The following CDKL5 variants were observed in gnomAD, a reference collection of about 807,000 sequenced individuals.
The protein encoded by CDKL5 is cyclin-dependent kinase-like 5.
A neutral mutation model predicts 61.7 loss-of-function variants in CDKL5; 8 were observed. The ratio of observed to expected loss-of-function variants is 0.13; its 90% CI spans 0.08 to 0.23. The LOEUF is 0.23. CDKL5 is among the 10% of genes least tolerant of loss of function. CDKL5 has a pLI of 1.00. For synonymous variants in CDKL5, 275 were observed against 272.3 expected (o/e 1.01, Z -0.10); for missense variants, 440 against 734.5 (o/e 0.60, Z 4.63).
intron 3 of CDKL5, among the ~76,000 whole-genome samples, chrX:18,530,254 A>G (rs1342415234): frequency 9.5e-6 from 1 of 104,794 alleles, no homozygotes; most frequent in African/African-American, 3.5e-5. Context: ...AATTGCTTGA[A>G]CCTGGGAGGC....
At chrX:18,624,999 A>G in intron 16 of CDKL5, 129 bp from the exon 17 acceptor site, 3 of 609,099 alleles carry the variant, frequency 4.9e-6, no homozygotes, top group South Asian at 2.3e-5. Context: ...TTGGGGTTCT[A>G]TTTTTACTGG....
intron 1 of CDKL5, among the ~76,000 whole-genome samples, chrX:18,433,199 G>T (rs1452611652): frequency 4.7e-5 from 5 of 106,504 alleles, no homozygotes; most frequent in African/African-American, 1.4e-4. Context: ...CTGCACTCCA[G>T]CCTGGGCAAC....
Position 18,603,984 on chromosome X carries a change from C to T in CDKL5, c.1060C>T (p.Pro354Ser), listed in dbSNP as rs1064794591. 5.0e-6 allele frequency: 6 copies of T among 1,208,669 alleles called. No individual in the cohort carries two copies. In the African/African-American group the frequency reaches 1.1e-4, roughly 21 times the overall value. The change falls in exon 12 of 18, where the codon CCC becomes TCC. Residue 354 changes from proline (P) to serine (S), a missense_variant. This residue lies in a region of CDKL5 where 363 missense variants were observed against 516.3 expected (regional missense o/e 0.70). Transcript: ENST00000623535. ...CATCCAGAACCTGAGTGTAGGCCTG[C>T]CCCGGGCTGACGAAGGTCTCCCTGC... ...KDIQNLSVGLPRADEGLPANE... is the reference protein window; with the variant it reads ...KDIQNLSVGLSRADEGLPANE...
Position 18,604,826 on chromosome X carries a change from G to C in CDKL5, c.1902G>C (p.Gly634=). 1 of 1,211,637 alleles carries C rather than the reference G, an allele frequency of 8.3e-7. No homozygotes were observed. Among genetic ancestry groups the C allele is most frequent in the East Asian group, 3.0e-5 (1 of 33,840 alleles). Residue 634 remains glycine (G), a synonymous_variant, in exon 12 of 18, where the codon GGG becomes GGC. Coordinates refer to ENST00000623535, the MANE Select transcript of CDKL5 (RefSeq NM_001323289.2). Reference sequence around the variant, plus strand: ...ATGGAAGCTTGAGCATAGGGCAAGGGATGGCAGCTAGAGCCAACAGCCTGC... The same window carrying C: ...ATGGAAGCTTGAGCATAGGGCAAGGCATGGCAGCTAGAGCCAACAGCCTGC... ...GLDGSLSIGQ[G]MAARANSLQL...
At chrX:18,647,371 A>C (rs769211720) in intron 20 of CDKL5, 50 of 1,182,144 alleles carry the variant, frequency 4.2e-5, no homozygotes, top group South Asian at 2.0e-4. Flanking sequence ...CACATATCTC[A>C]ATACTCAACA....
chrX:18,455,084 C>G (rs752529575), intron 1 of CDKL5, among the ~76,000 whole-genome samples: 1 of 110,201 alleles, frequency 9.1e-6, no homozygotes, highest in Non-Finnish European at 1.9e-5. Context: ...GACTGAAGTT[C>G]GGTGTCATCT....
downstream of CDKL5, among the ~76,000 whole-genome samples, chrX:18,643,519 A>G (rs1927660249): frequency 8.9e-6 from 1 of 112,467 alleles, no homozygotes; most frequent in Non-Finnish European, 1.9e-5. Context: ...GGCCTTCAGA[A>G]GCACAGGGCT....
chrX:18,448,946 C>T (rs951543505), intron 1 of CDKL5, among the ~76,000 whole-genome samples: 1 of 112,088 alleles, frequency 8.9e-6, no homozygotes, highest in Non-Finnish European at 1.9e-5. Flanking sequence ...ACCTCTGCCT[C>T]CTGGGTTCAA....
intron 3 of CDKL5, among the ~76,000 whole-genome samples, chrX:18,515,683 A>T (rs755586937): frequency 2.7e-5 from 3 of 111,379 alleles, no homozygotes; most frequent in South Asian, 7.6e-4. Context: ...TTTAATAAAG[A>T]ATAAAAATGG....
Position 18,630,398 on chromosome X carries a change from T to C in CDKL5, c.*1641T>C. On this transcript the variant is annotated 3_prime_UTR_variant, in exon 18 of 18. Transcript: ENST00000623535. ...ATTAGTCTCTGAGCAATAATACTTT[T>C]AAAGGTCCCTCCCACCCCTCAAAGA... 3 of 752,269 alleles carry C rather than the reference T, an allele frequency of 4.0e-6. No homozygotes were observed. The highest frequency in any genetic ancestry group is 4.7e-6 in the Non-Finnish European group (3 of 637,892). The allele number at this position is 752,269 out of a possible 1,213,427, so 62.0% of individuals were successfully genotyped here.
rs189453291 is a variant in CDKL5, at chrX:18,521,027, C to T, written c.99+10173C>T. On this transcript the variant is annotated intron_variant, in intron 3 of 17. Coordinates refer to ENST00000623535, the MANE Select transcript of CDKL5 (RefSeq NM_001323289.2). ...GTGTTGGGACTATAGGTGTGAGCCA[C>T]CACGCCTGGCCACCTTATTATTACT... is the stretch of plus-strand genomic sequence containing the variant. Among the ~76,000 whole-genome samples, 391 of 112,471 alleles carry T rather than the reference C, an allele frequency of 3.5e-3. 2 individuals are homozygous for T. In the Middle Eastern group the frequency reaches 0.042, roughly 12 times the overall value.
chrX:18,480,946 C>G (rs1398751846), intron 1 of CDKL5, among the ~76,000 whole-genome samples: 1 of 107,636 alleles, frequency 9.3e-6, no homozygotes, highest in African/African-American at 3.4e-5. Context: ...CAACCTCCAC[C>G]TCCTGGGTTC....
intron 3 of CDKL5, among the ~76,000 whole-genome samples, chrX:18,516,282 A>G (rs1602235946): frequency 2.0e-5 from 2 of 98,997 alleles, no homozygotes; most frequent in African/African-American, 7.9e-5. Flanking sequence ...CGCCTGGCCT[A>G]CGTTTTTTTT....
chrX:18,563,797 A>T (rs1354376266), intron 3 of CDKL5, among the ~76,000 whole-genome samples: 1 of 111,947 alleles, frequency 8.9e-6, no homozygotes, highest in African/African-American at 3.2e-5. Flanking sequence ...AAAATTGTTT[A>T]GTTTAGTGGT....
At chrX:18,626,100 C>G (rs941249187) in intron 17 of CDKL5, among the ~76,000 whole-genome samples, 1 of 103,068 alleles carries the variant, frequency 9.7e-6, no homozygotes, top group African/African-American at 3.6e-5. Flanking sequence ...GGGCCTCAAT[C>G]CCATTGCCCA....
intron 3 of CDKL5, among the ~76,000 whole-genome samples, chrX:18,554,708 G>A (rs1022955063): frequency 1.8e-5 from 2 of 111,107 alleles, no homozygotes; most frequent in Admixed American, 9.6e-5. Flanking sequence ...GAGCCACTGC[G>A]CCTGGCCATT....
intron 1 of CDKL5, chrX:18,457,388 A>G (rs1932166471): frequency 9.0e-6 from 1 of 111,260 alleles, no homozygotes; most frequent in Non-Finnish European, 1.9e-5. Context: ...CTAGTCGGGG[A>G]TTATTTTGGT....
Position 18,634,879 on chromosome X carries a change from G to T in CDKL5, c.*6122G>T, listed in dbSNP as rs1927340100. 1.3e-5 allele frequency: 10 copies of T among 750,808 alleles called. No homozygotes were observed. Among genetic ancestry groups the T allele is most frequent in the Non-Finnish European group, 1.4e-5 (9 of 638,280 alleles). The allele number at this position is 750,808 out of a possible 1,213,427, so 61.9% of individuals were successfully genotyped here. A position where few individuals can be genotyped will look rare whatever the true frequency, so the allele number is the denominator to read the frequency against. On this transcript the variant is annotated 3_prime_UTR_variant, in exon 18 of 18. Coordinates refer to ENST00000623535, the MANE Select transcript of CDKL5 (RefSeq NM_001323289.2). ...TCAATCTCTAGTAAGCTTGAAGGTG[G>T]TGTCTGGGAAGACACAGGGCAGGGT...
intron 1 of CDKL5, among the ~76,000 whole-genome samples, chrX:18,440,564 C>T (rs779961126): frequency 8.9e-6 from 1 of 111,739 alleles, no homozygotes; most frequent in Non-Finnish European, 1.9e-5. Flanking sequence ...ACCTCTGCCT[C>T]CCGGGTTCAA....
Sources: allele counts gnomAD v4.1 joint callset (sites outside exome capture counted in the v4.1 genomes callset), GRCh38; gene constraint gnomAD v4.1.1; regional missense constraint gnomAD v4.1.1; transcripts MANE v1.5; gene names NCBI Gene and HGNC (gene_info 2026-07-23, HGNC 2026-07-21).